The following NCOR2 variants were observed in gnomAD, a reference collection of about 807,000 sequenced individuals.
NCOR2 encodes nuclear receptor corepressor 2.
NCOR2 carries 81 observed loss-of-function variants against 262.9 expected under a neutral mutation model. The observed-to-expected ratio is 0.31, with a 90% CI of 0.26 to 0.37. The LOEUF (loss-of-function observed/expected upper bound fraction) is 0.37, where lower values mean the gene tolerates loss of function less well. NCOR2 is among the 10% of genes least tolerant of loss of function. NCOR2 has a pLI of 1.00. For synonymous variants in NCOR2, 1,659 were observed against 1,559.3 expected, an observed-to-expected ratio of 1.06 and a Z score of -1.51; for missense variants, 3,385 against 3,621.4, an observed-to-expected ratio of 0.93 and a Z score of 1.68.
At chr12:124,448,286 A>G (rs2045307723) in intron 7 of NCOR2, among the ~76,000 whole-genome samples, 1 of 152,194 alleles carries the variant, frequency 6.6e-6, no homozygotes, top group African/African-American at 2.4e-5. Context: ...TTCCCACCCC[A>G]GACAGGGGCC....
chr12:124,402,851 A>C (rs1290040224), intron 13 of NCOR2, among the ~76,000 whole-genome samples: 1 of 152,154 alleles, frequency 6.6e-6, no homozygotes, highest in Non-Finnish European at 1.5e-5. Flanking sequence ...CTTTCCACAC[A>C]GTGGCTGTGT....
chr12:124,384,662 A>G (rs2040659867), intron 17 of NCOR2, among the ~76,000 whole-genome samples: 1 of 152,188 alleles, frequency 6.6e-6, no homozygotes, highest in Non-Finnish European at 1.5e-5. Flanking sequence ...TGGTCCTCCC[A>G]CTGCAGGCTG....
At chr12:124,426,561 C>A in intron 11 of NCOR2, 61 bp downstream of exon 13, 2 of 1,463,766 alleles carry the variant, frequency 1.4e-6, no homozygotes, top group Non-Finnish European at 1.8e-6. Flanking sequence ...GGAGACAGCG[C>A]AGGCCTCAAC....
chr12:124,428,019 CTGA>C (rs1433323698), intron 10 of NCOR2, among the ~76,000 whole-genome samples: 1 of 139,154 alleles, frequency 7.2e-6, no homozygotes, highest in Admixed American at 7.3e-5. Context: ...CCTGAGGACT[CTGA>C]TGACTGCATT....
chr12:124,448,407 G>A (rs1039451216), intron 7 of NCOR2, among the ~76,000 whole-genome samples: 1 of 152,168 alleles, frequency 6.6e-6, no homozygotes. Flanking sequence ...GAATGAGCCC[G>A]CCAGGCCGAT....
chr12:124,384,271 A>G (rs2040629927), intron 17 of NCOR2, among the ~76,000 whole-genome samples: 1 of 152,134 alleles, frequency 6.6e-6, no homozygotes. Context: ...GCCACAAGGG[A>G]CTTCAGCAAG....
At chr12:124,388,985 CCCGGGGCTCCTCCAGCGGCCGCTGCCA>C (rs930023351) in intron 16 of NCOR2, 2 of 503,226 alleles carry the variant, frequency 4.0e-6, no homozygotes, top group African/African-American at 2.1e-5. Context: ...CCTGTGGTGG[CCCGGGGCTCCTCCAGCGGCCGCTGCCA>C]CCTCTGACGC....
At chr12:124,547,970 T>C (rs918108531) in intron 1 of NCOR2, among the ~76,000 whole-genome samples, 2 of 152,190 alleles carry the variant, frequency 1.3e-5, no homozygotes, top group Admixed American at 1.3e-4. Flanking sequence ...TAAATACACA[T>C]ACAGAATGAG....
chr12:124,429,478 G>A, intron 10 of NCOR2, 135 bp downstream of exon 12: 1 of 898,094 alleles, frequency 1.1e-6, no homozygotes, highest in Non-Finnish European at 1.7e-6. Context: ...TACCCACCTT[G>A]ATTCCACCCG....
intron 1 of NCOR2, among the ~76,000 whole-genome samples, chr12:124,544,853 T>C (rs546400842): frequency 7.4e-4 from 112 of 151,540 alleles, no homozygotes; most frequent in Admixed American, 1.6e-3. Context: ...CTGCGACCCC[T>C]GTGTGTGCTG....
intron 24 of NCOR2, chr12:124,355,142 G>C (rs1008066476): frequency 1.6e-6 from 1 of 614,078 alleles, no homozygotes; most frequent in African/African-American, 1.9e-5. Flanking sequence ...TGAGCCCCTT[G>C]CATTTGCCCT....
At chr12:124,560,723 T>C (rs531512295) in intron 1 of NCOR2, among the ~76,000 whole-genome samples, 1 of 152,320 alleles carries the variant, frequency 6.6e-6, no homozygotes, top group Non-Finnish European at 1.5e-5. Context: ...CGGGAAGCTG[T>C]GACTGCCTCG....
intron 7 of NCOR2, among the ~76,000 whole-genome samples, chr12:124,446,906 T>C (rs959952290): frequency 1.3e-5 from 2 of 151,958 alleles, no homozygotes; most frequent in Non-Finnish European, 2.9e-5. Flanking sequence ...ATTTGTTTTA[T>C]ATTATACTAT....
chr12:124,422,604 C>A, intron 11 of NCOR2, 49 bp from the exon 14 acceptor site: 2 of 1,608,500 alleles, frequency 1.2e-6, no homozygotes, highest in Non-Finnish European at 1.7e-6. Flanking sequence ...GGGGGCTTTC[C>A]TGCGGGGCAG....
intron 1 of NCOR2, among the ~76,000 whole-genome samples, chr12:124,487,449 A>T (rs1311334169): frequency 6.6e-6 from 1 of 152,234 alleles, no homozygotes; most frequent in African/African-American, 2.4e-5. Flanking sequence ...CTCCTTGCCC[A>T]CACCTGAGTC....
rs201835504 is a variant in NCOR2, at chr12:124,430,797, C to T, written c.883-10G>A. The T allele has an allele frequency of 1.5e-4, 233 of 1,597,986 alleles. No homozygotes were observed. The highest frequency in any genetic ancestry group is 6.4e-4 in the African/African-American group (48 of 74,582). On this transcript the variant is annotated splice_polypyrimidine_tract_variant and intron_variant, in intron 8 of 46. Coordinates refer to ENST00000405201, the Ensembl canonical transcript of NCOR2. ...GGCAGAACTTCTGCTCCTGGGAGAG[C>T]GCAGGGGGCACTGCGGAAGATGCTC...
At chr12:124,425,299 G>A (rs1037711215) in intron 11 of NCOR2, among the ~76,000 whole-genome samples, 2 of 152,076 alleles carry the variant, frequency 1.3e-5, no homozygotes, top group African/African-American at 4.8e-5. Flanking sequence ...GCGTGAACCC[G>A]GGAGGCAGAG....
At chr12:124,498,674 C>T (rs2048510473), upstream of NCOR2, among the ~76,000 whole-genome samples, 1 of 152,198 alleles carries the variant, frequency 6.6e-6, no homozygotes, top group African/African-American at 2.4e-5. Context: ...CAGGCATCCA[C>T]CCAAAAGAAC....
At chr12:124,453,827 C>T (rs115775504) in intron 6 of NCOR2, among the ~76,000 whole-genome samples, 4,951 of 152,362 alleles carry the variant, frequency 0.032, 89 homozygotes, top group Middle Eastern at 0.054. Context: ...CTGGAGGGGC[C>T]GTGCCCCACC....
Sources: gnomAD v4.1 joint callset for allele counts (sites outside exome capture counted in the v4.1 genomes callset) on GRCh38, gnomAD v4.1.1 for gene constraint, MANE v1.5 for transcripts, NCBI Gene and HGNC (gene_info 2026-07-23, HGNC 2026-07-21) for gene names.